The following UXS1 variants were observed in gnomAD, a reference collection of about 807,000 sequenced individuals.
The protein encoded by UXS1 is UDP-glucuronate decarboxylase 1, also known as UDP-glucuronic acid decarboxylase 1.
A neutral mutation model predicts 62.6 loss-of-function variants in UXS1; 33 were observed. The observed-to-expected ratio is 0.53, with a 90% CI of 0.40 to 0.70. The LOEUF (loss-of-function observed/expected upper bound fraction) is 0.70. UXS1 is among the 30% of genes least tolerant of loss of function. UXS1 has a pLI of 0.00. For synonymous variants in UXS1, 213 were observed against 206.8 expected (o/e 1.03, Z -0.26); for missense variants, 434 against 556.3 (o/e 0.78, Z 2.21).
intron 2 of UXS1, 49 bp downstream of exon 2, chr2:106,166,007 T>C: frequency 6.4e-7 from 1 of 1,570,702 alleles, no homozygotes; most frequent in Non-Finnish European, 8.7e-7. Flanking sequence ...CCAACTGAAA[T>C]GTGTCTATAA....
chr2:106,193,022 A>C (rs1046660660), intron 1 of UXS1, among the ~76,000 whole-genome samples: 5 of 152,108 alleles, frequency 3.3e-5, no homozygotes, highest in African/African-American at 1.2e-4. Flanking sequence ...GCAAAACTAC[A>C]CACATCTAAC....
chr2:106,108,917 T>TA (rs1206697402), intron 10 of UXS1, among the ~76,000 whole-genome samples: 1 of 152,188 alleles, frequency 6.6e-6, no homozygotes, highest in Non-Finnish European at 1.5e-5. Flanking sequence ...AGAACCCTGC[T>TA]AAGTCAGTTT....
At chr2:106,144,085 G>A (rs529307329) in intron 6 of UXS1, among the ~76,000 whole-genome samples, 7 of 152,310 alleles carry the variant, frequency 4.6e-5, no homozygotes, top group African/African-American at 1.7e-4. Context: ...CATCTTAGCA[G>A]GGAACTGTGA....
At chr2:106,191,012 C>T (rs1429888312) in intron 1 of UXS1, among the ~76,000 whole-genome samples, 2 of 152,062 alleles carry the variant, frequency 1.3e-5, no homozygotes, top group Middle Eastern at 3.2e-3. Context: ...ACACATAAGA[C>T]ACAATCCCTG....
At chr2:106,110,112 C>G (rs1000288726) in intron 10 of UXS1, among the ~76,000 whole-genome samples, 4 of 152,166 alleles carry the variant, frequency 2.6e-5, no homozygotes, top group African/African-American at 9.7e-5. Context: ...TCATCAAATT[C>G]TTGCTGGGAA....
At chr2:106,143,754 C>CA (rs1349466156) in intron 6 of UXS1, among the ~76,000 whole-genome samples, 2 of 152,200 alleles carry the variant, frequency 1.3e-5, no homozygotes, top group Non-Finnish European at 2.9e-5. Flanking sequence ...GAGCCATTCT[C>CA]AGCTTCCAGA....
intron 1 of UXS1, among the ~76,000 whole-genome samples, chr2:106,167,525 C>T (rs1404323623): frequency 6.6e-6 from 1 of 152,088 alleles, no homozygotes; most frequent in Non-Finnish European, 1.5e-5. Context: ...TACACCCCCA[C>T]ATGAAATTCC....
chr2:106,142,970 C>T (rs967593804), intron 6 of UXS1, among the ~76,000 whole-genome samples: 1 of 151,512 alleles, frequency 6.6e-6, no homozygotes, highest in Non-Finnish European at 1.5e-5. Context: ...ACAGAATTGG[C>T]AGAAATGGCC....
chr2:106,177,266 G>A (rs148293207), intron 1 of UXS1, among the ~76,000 whole-genome samples: 2,183 of 134,268 alleles, frequency 0.016, 26 homozygotes, highest in Middle Eastern at 0.034. Context: ...CATGATCTTG[G>A]CTCACTGTAA....
intron 6 of UXS1, among the ~76,000 whole-genome samples, chr2:106,130,085 A>T (rs1405886463): frequency 6.6e-6 from 1 of 152,206 alleles, no homozygotes. Flanking sequence ...CATTCAAATC[A>T]GAAGGAAGAC....
In UXS1 at chr2:106,189,090, T is replaced by C. The variant is rs1272720206; in HGVS notation, c.94+5058A>G. On this transcript the variant is annotated intron_variant, in intron 1 of 14. Transcript: ENST00000283148. ...AATAAGAGGATTGGTCCAGCAATCC[T>C]ATATCAGAATAGTAGTAGTCCCAGA... 4.6e-5 allele frequency among the ~76,000 whole-genome samples: 7 copies of C among 152,180 alleles called. No homozygotes were observed. The East Asian group carries it at 1.3e-3, about 29-fold the overall frequency.
At chr2:106,138,670 C>G (rs1418941428) in intron 6 of UXS1, 1 of 985,364 alleles carries the variant, frequency 1.0e-6, no homozygotes, top group Non-Finnish European at 1.2e-6. Flanking sequence ...GTGTTTCTTC[C>G]TCACTGGACA....
At chr2:106,176,352 G>A (rs577208379) in intron 1 of UXS1, among the ~76,000 whole-genome samples, 2 of 152,256 alleles carry the variant, frequency 1.3e-5, no homozygotes, top group East Asian at 1.9e-4. Context: ...GCTTAAAGCA[G>A]ATAAGAATAT....
At chr2:106,095,724 G>A (rs1187586614) in intron 14 of UXS1, among the ~76,000 whole-genome samples, 2 of 152,294 alleles carry the variant, frequency 1.3e-5, no homozygotes, top group Non-Finnish European at 2.9e-5. Flanking sequence ...GGGCAAAGAG[G>A]GAACAGCCAG....
chr2:106,104,665 T>G, intron 11 of UXS1, 129 bp downstream of exon 11: 3 of 1,149,466 alleles, frequency 2.6e-6, no homozygotes, highest in Non-Finnish European at 3.7e-6. Flanking sequence ...ATTAAAAATT[T>G]TTAATCAATA....
chr2:106,185,706 A>C (rs565209189), intron 1 of UXS1, among the ~76,000 whole-genome samples: 8 of 152,360 alleles, frequency 5.3e-5, no homozygotes, highest in African/African-American at 1.9e-4. Flanking sequence ...GTAATTAAAG[A>C]TCTCAAGACA....
chr2:106,139,806 A>C (rs1046989442), intron 6 of UXS1, among the ~76,000 whole-genome samples: 1 of 152,246 alleles, frequency 6.6e-6, no homozygotes, highest in African/African-American at 2.4e-5. Context: ...AAGACTATAG[A>C]AACACTAAAA....
intron 1 of UXS1, among the ~76,000 whole-genome samples, chr2:106,179,826 G>A (rs532693929): frequency 3.8e-4 from 58 of 151,612 alleles, no homozygotes; most frequent in African/African-American, 1.4e-3. Flanking sequence ...TTTCCTCCAC[G>A]GCCAGGTGTG....
intron 9 of UXS1, among the ~76,000 whole-genome samples, chr2:106,120,622 T>A (rs1679447676): frequency 1.3e-5 from 2 of 152,136 alleles, no homozygotes; most frequent in South Asian, 4.1e-4. Context: ...AGTTCCACAC[T>A]CTCCTTCCTA....
Sources: gnomAD v4.1 joint callset for allele counts (sites outside exome capture counted in the v4.1 genomes callset) on GRCh38, gnomAD v4.1.1 for gene constraint, MANE v1.5 for transcripts, NCBI Gene and HGNC (gene_info 2026-07-23, HGNC 2026-07-21) for gene names.